The following FHOD3 variants were observed in gnomAD, a reference collection of about 807,000 sequenced individuals.
FHOD3 encodes formin homology 2 domain containing 3.
In FHOD3, 90 loss-of-function variants were observed where a neutral mutation model predicts 173.0. The observed-to-expected ratio is 0.52, with a 90% confidence interval of 0.44 to 0.62. The LOEUF (loss-of-function observed/expected upper bound fraction) is 0.62, where lower values mean the gene tolerates loss of function less well. Ranked by LOEUF, FHOD3 falls within the 20% of genes least tolerant of loss-of-function variation. The pLI is 0.00. For missense variants in FHOD3, 1,945 were observed against 2,034.7 expected (o/e 0.96, Z 0.85); for synonymous variants, 828 against 823.0 (o/e 1.01, Z -0.10).
intron 14 of FHOD3, among the ~76,000 whole-genome samples, chr18:36,658,635 T>C (rs993031797): frequency 6.6e-6 from 1 of 152,210 alleles, no homozygotes; most frequent in Non-Finnish European, 1.5e-5. Flanking sequence ...AAAAGAATTG[T>C]ATGGGTACAT....
intron 1 of FHOD3, among the ~76,000 whole-genome samples, chr18:36,321,681 C>CAGGT (rs1402548677): frequency 1.3e-5 from 2 of 152,134 alleles, no homozygotes; most frequent in African/African-American, 4.8e-5. Flanking sequence ...GGGGGACTTG[C>CAGGT]AGGTGGCTGG....
At chr18:36,350,892 A>G (rs1290946404) in intron 1 of FHOD3, among the ~76,000 whole-genome samples, 2 of 152,194 alleles carry the variant, frequency 1.3e-5, no homozygotes, top group Non-Finnish European at 2.9e-5. Context: ...GTACCTATTA[A>G]TTTGCTTATT....
chr18:36,565,672 T>C lies in FHOD3; in HGVS notation c.512-10779T>C, dbSNP rs148163376. Among the ~76,000 whole-genome samples, 9 of 152,344 alleles carry C rather than the reference T, an allele frequency of 5.9e-5. No individual in the cohort carries two copies. The East Asian group carries it at 9.6e-4, about 16-fold the overall frequency. ...ACTTTTGGTAGAAATAAATAGGAATTATTTCCAGTCACATTCTCAAATGGC... is the reference window on the plus strand; with the variant it reads ...ACTTTTGGTAGAAATAAATAGGAATCATTTCCAGTCACATTCTCAAATGGC... On this transcript the variant is annotated intron_variant, in intron 5 of 28. Transcript: ENST00000590592.
At chr18:36,770,420 C>T (rs1334705815) in intron 28 of FHOD3, among the ~76,000 whole-genome samples, 1 of 152,164 alleles carries the variant, frequency 6.6e-6, no homozygotes, top group Non-Finnish European at 1.5e-5. Context: ...GTATGTTGGA[C>T]CCAGTGGTTC....
chr18:36,756,467 C>G (rs980170002), intron 25 of FHOD3, among the ~76,000 whole-genome samples: 1 of 152,130 alleles, frequency 6.6e-6, no homozygotes, highest in Non-Finnish European at 1.5e-5. Context: ...TGGGCAGTTA[C>G]ACATTTCAAC....
chr18:36,696,703 T>C (rs2039303512), intron 17 of FHOD3, among the ~76,000 whole-genome samples: 1 of 152,238 alleles, frequency 6.6e-6, no homozygotes, highest in Admixed American at 6.5e-5. Flanking sequence ...CTTGTGGGCT[T>C]AGCAGATGTA....
intron 9 of FHOD3, among the ~76,000 whole-genome samples, chr18:36,613,103 C>T (rs573699508): frequency 1.9e-4 from 29 of 152,348 alleles, no homozygotes; most frequent in African/African-American, 6.3e-4. Flanking sequence ...AACATGGCCC[C>T]CAGGGCTGTC....
At chr18:36,595,280 G>A (rs1274690221) in intron 7 of FHOD3, among the ~76,000 whole-genome samples, 1 of 151,960 alleles carries the variant, frequency 6.6e-6, no homozygotes, top group Non-Finnish European at 1.5e-5. Flanking sequence ...GATGTTTCTA[G>A]AACCTTCTCC....
At chr18:36,415,289 A>G (rs2049576050) in intron 3 of FHOD3, among the ~76,000 whole-genome samples, 1 of 152,196 alleles carries the variant, frequency 6.6e-6, no homozygotes, top group Non-Finnish European at 1.5e-5. Flanking sequence ...GTTCAATCAT[A>G]TTTCACATAT....
In FHOD3 at chr18:36,360,362, C is replaced by T. The variant is rs753150148; in HGVS notation, c.272+4717C>T. 3.1e-4 allele frequency among the ~76,000 whole-genome samples: 47 copies of T among 152,230 alleles called. 1 individual carries two copies. The highest frequency in any genetic ancestry group is 5.4e-4 in the Non-Finnish European group (37 of 68,042). ...GGCGTTCACCTTTTCCTTGGCATGACTCCCTTCAGGCCTGTGCCACAGGGT... is the reference window on the plus strand; with the variant it reads ...GGCGTTCACCTTTTCCTTGGCATGATTCCCTTCAGGCCTGTGCCACAGGGT... On this transcript the variant is annotated intron_variant, in intron 2 of 28. Coordinates refer to ENST00000590592, the MANE Select transcript of FHOD3 (RefSeq NM_001281740.3).
At chr18:36,512,364 G>A in intron 4 of FHOD3, 74 bp from the exon 5 acceptor site, 3 of 1,140,966 alleles carry the variant, frequency 2.6e-6, no homozygotes, top group South Asian at 1.3e-5. Flanking sequence ...CTTGTACATA[G>A]TTTTAGCAGC....
chr18:36,322,478 C>T (rs1001161839), intron 1 of FHOD3, among the ~76,000 whole-genome samples: 24 of 152,096 alleles, frequency 1.6e-4, no homozygotes, highest in African/African-American at 5.8e-4. Context: ...GGAGCAGGTA[C>T]ACCAGTAGGG....
intron 14 of FHOD3, among the ~76,000 whole-genome samples, chr18:36,667,304 G>C (rs2037243476): frequency 6.6e-6 from 1 of 152,138 alleles, no homozygotes; most frequent in South Asian, 2.1e-4. Context: ...GGACTATTCT[G>C]AACAATTATA....
At chr18:36,512,154 A>T (rs974976730) in intron 4 of FHOD3, among the ~76,000 whole-genome samples, 3 of 152,242 alleles carry the variant, frequency 2.0e-5, no homozygotes, top group African/African-American at 7.2e-5. Flanking sequence ...TTGAAGAATG[A>T]AAAACAAGGC....
chr18:36,466,013 C>G (rs2052901867), intron 3 of FHOD3, among the ~76,000 whole-genome samples: 1 of 152,136 alleles, frequency 6.6e-6, no homozygotes, highest in African/African-American at 2.4e-5. Flanking sequence ...TTCTCACCTC[C>G]TTGTATGCCC....
intron 5 of FHOD3, among the ~76,000 whole-genome samples, chr18:36,573,111 AG>A (rs1169700926): frequency 2.0e-5 from 3 of 151,412 alleles, no homozygotes; most frequent in Non-Finnish European, 4.4e-5. Flanking sequence ...TAAAAACAAA[AG>A]CATGTAACAC....
chr18:36,703,815 T>C (rs1460891422), intron 17 of FHOD3, among the ~76,000 whole-genome samples: 1 of 152,186 alleles, frequency 6.6e-6, no homozygotes, highest in African/African-American at 2.4e-5. Context: ...GAGGAAAGCA[T>C]GGTCACATTC....
At chr18:36,378,775 C>T (rs1487649802) in intron 3 of FHOD3, among the ~76,000 whole-genome samples, 3 of 152,100 alleles carry the variant, frequency 2.0e-5, no homozygotes, top group Non-Finnish European at 2.9e-5. Context: ...TCCGCTTTCC[C>T]GGGTTCAAGT....
chr18:36,514,158 G>A (rs1417834983), intron 5 of FHOD3, among the ~76,000 whole-genome samples: 8 of 151,630 alleles, frequency 5.3e-5, no homozygotes, highest in South Asian at 2.1e-4. Context: ...ACAGGCACCC[G>A]CCACCATGCC....
Sources: allele counts gnomAD v4.1 joint callset (sites outside exome capture counted in the v4.1 genomes callset), GRCh38; gene constraint gnomAD v4.1.1; transcripts MANE v1.5; gene names NCBI Gene and HGNC (gene_info 2026-07-23, HGNC 2026-07-21).